PRAG1: variants seen among roughly 807,000 people sequenced by gnomAD.
PRAG1 encodes the protein inactive tyrosine-protein kinase PRAG1.
Under a neutral mutation model 95.6 loss-of-function variants are expected in PRAG1, and 110 were observed. The observed-to-expected ratio is 1.15, with a 90% CI of 0.99 to 1.35. PRAG1 has a LOEUF of 1.35. Among genes scored for constraint, PRAG1 ranks in the 40% most tolerant of loss-of-function variants. PRAG1 has a pLI of 0.00. For synonymous variants in PRAG1, 1,052 were observed against 819.4 expected (o/e 1.28, Z -4.85); for missense variants, 2,554 against 1,864.7 (o/e 1.37, Z -6.81).
rs974370204 is a variant in PRAG1 at position 8,377,856 on chromosome 8, C to A, written c.553G>T (p.Glu185Ter). Reference sequence around the variant, plus strand: ...GGTTTTTCTTTGTGCACAGCCTTCTCCTCCGGGAAGCTCACCGGGTGGAAG... The same window carrying A: ...GGTTTTTCTTTGTGCACAGCCTTCTACTCCGGGAAGCTCACCGGGTGGAAG... ...IAFHPVSFPE[E>*]KAVHKEKPSF... Residue 185 changes from glutamate (E) to a stop codon, truncating the protein, a stop_gained, in exon 3 of 6, where the codon GAG becomes TAG. Transcript: ENST00000615670. LOFTEE classifies it high-confidence loss of function. 6.2e-7 allele frequency: 1 copy of A among 1,614,158 alleles called. No individual in the cohort carries two copies. Among genetic ancestry groups the A allele is most frequent in the Non-Finnish European group, 8.5e-7 (1 of 1,180,040 alleles).
chr8:8,323,131 G>C (rs1415561682), intron 5 of PRAG1, among the ~76,000 whole-genome samples: 1 of 152,184 alleles, frequency 6.6e-6, no homozygotes, highest in African/African-American at 2.4e-5. Context: ...ATGGGAGACT[G>C]TCGCCTCATT....
At chr8:8,332,225 G>A (rs1253724334) in intron 4 of PRAG1, among the ~76,000 whole-genome samples, 1 of 149,994 alleles carries the variant, frequency 6.7e-6, no homozygotes, top group Non-Finnish European at 1.5e-5. Context: ...GTAATGGTGG[G>A]ATCTCGGCTC....
chr8:8,362,334 C>G (rs1232363892), intron 3 of PRAG1, among the ~76,000 whole-genome samples: 2 of 152,238 alleles, frequency 1.3e-5, no homozygotes, highest in Admixed American at 6.5e-5. Flanking sequence ...CACACACTTT[C>G]AACTTCCAGA....
At chr8:8,339,442 G>GA in intron 4 of PRAG1, 36 bp downstream of exon 4, 1 of 1,605,728 alleles carries the variant, frequency 6.2e-7, no homozygotes, top group Non-Finnish European at 8.5e-7. Context: ...AGGTCCAGGA[G>GA]AATCTAAGCC....
chr8:8,374,597 C>G (rs1228966940), intron 3 of PRAG1: 9 of 943,206 alleles, frequency 9.5e-6, no homozygotes, highest in Non-Finnish European at 1.1e-5. Flanking sequence ...ATGTCTAATT[C>G]TTTTAAATCC....
Position 8,318,323 on chromosome 8 carries a change from A to G in PRAG1, c.4052T>C (p.Leu1351Pro). 2 of 1,614,144 alleles carry G rather than the reference A, an allele frequency of 1.2e-6. No homozygotes were observed. Among genetic ancestry groups the G allele is most frequent in the Non-Finnish European group, 1.7e-6 (2 of 1,179,976 alleles). ...CCGCTTCATGTCGATCCAGTTGTGC[A>G]GCGTGCCGCACAGCGCCTCCTCCGA... The part of the protein sequence containing the change: ...GTSEEALCGT[L>P]HNWIDMKRAL... The change falls in exon 6 of 6, where the codon CTG becomes CCG. Residue 1351 changes from leucine to proline, a missense_variant. Transcript: ENST00000615670. The surrounding 1 kb of genome is among the most constrained non-coding windows in gnomAD (Gnocchi z 4.2).
chr8:8,375,544 A>G (rs944396904), intron 3 of PRAG1, among the ~76,000 whole-genome samples: 1 of 151,976 alleles, frequency 6.6e-6, no homozygotes, highest in Admixed American at 6.5e-5. Flanking sequence ...TCCTAACCAC[A>G]TGTAAAACTT....
intron 1 of PRAG1, among the ~76,000 whole-genome samples, chr8:8,385,482 A>G (rs1029362987): frequency 2.6e-5 from 4 of 152,234 alleles, no homozygotes; most frequent in South Asian, 2.1e-4. Context: ...CTTTCTGTCA[A>G]ATTTTCTTCT....
intron 4 of PRAG1, among the ~76,000 whole-genome samples, chr8:8,334,974 G>A (rs933756072): frequency 7.9e-5 from 12 of 151,896 alleles, no homozygotes; most frequent in African/African-American, 2.7e-4. Context: ...TAGCTGCTGA[G>A]GCAGGAGAAT....
chr8:8,343,005 C>T (rs1799222035), intron 3 of PRAG1, among the ~76,000 whole-genome samples: 1 of 151,882 alleles, frequency 6.6e-6, no homozygotes, highest in Admixed American at 6.6e-5. Flanking sequence ...CTTTGCAACC[C>T]GCATTACTAA....
intron 1 of PRAG1, among the ~76,000 whole-genome samples, chr8:8,383,906 ATTCCAGCC>A (rs1800764524): frequency 6.6e-6 from 1 of 152,202 alleles, no homozygotes; most frequent in Non-Finnish European, 1.5e-5. Context: ...CAGAGGAAGT[ATTCCAGCC>A]TTCAGGAATA....
In PRAG1 at chr8:8,377,306, A is replaced by G. The variant is rs1800445752; in HGVS notation, c.1103T>C (p.Leu368Pro). 6.2e-7 allele frequency: 1 copy of G among 1,612,552 alleles called. No individual in the cohort carries two copies. The highest frequency in any genetic ancestry group is 1.1e-5 in the South Asian group (1 of 90,976). ...CTTCTCTGGGGCAGGTTCCTTCATG[A>G]GGGAGCAGTAATCACTCTCGAGGTG... ...VPHLESDYCS[L>P]MKEPAPEKQQ... The change falls in exon 3 of 6, where the codon CTC becomes CCC. Residue 368 changes from leucine to proline, a missense_variant. By Grantham distance (98) the Leu-to-Pro change is moderately conservative. Coordinates refer to ENST00000615670, the MANE Select transcript of PRAG1 (RefSeq NM_001080826.3).
At chr8:8,358,675 T>G (rs1799755681) in intron 3 of PRAG1, among the ~76,000 whole-genome samples, 1 of 152,236 alleles carries the variant, frequency 6.6e-6, no homozygotes, top group Non-Finnish European at 1.5e-5. Flanking sequence ...CAATTTTACT[T>G]TCTGCAGAAA....
intron 3 of PRAG1, among the ~76,000 whole-genome samples, chr8:8,356,000 G>T (rs1799668580): frequency 6.6e-6 from 1 of 152,128 alleles, no homozygotes; most frequent in Non-Finnish European, 1.5e-5. Flanking sequence ...TTAGGAACTG[G>T]GAAAAAATGT....
intron 3 of PRAG1, among the ~76,000 whole-genome samples, chr8:8,351,773 C>T (rs940228295): frequency 6.6e-6 from 1 of 152,144 alleles, no homozygotes; most frequent in African/African-American, 2.4e-5. Flanking sequence ...TTACATCAGC[C>T]TGCCTTCCCC....
chr8:8,335,437 A>G (rs1297371499), intron 4 of PRAG1, among the ~76,000 whole-genome samples: 1 of 152,202 alleles, frequency 6.6e-6, no homozygotes, highest in Non-Finnish European at 1.5e-5. Flanking sequence ...ATGGATACAC[A>G]TTTTTGGGAT....
At chr8:8,331,699 G>C (rs1798823100) in intron 4 of PRAG1, among the ~76,000 whole-genome samples, 1 of 152,156 alleles carries the variant, frequency 6.6e-6, no homozygotes, top group African/African-American at 2.4e-5. Flanking sequence ...AGAACCAAGA[G>C]GTTCTGCTTT....
At chr8:8,369,044 C>A (rs1485056758) in intron 3 of PRAG1, among the ~76,000 whole-genome samples, 1 of 152,032 alleles carries the variant, frequency 6.6e-6, no homozygotes, top group Admixed American at 6.6e-5. Context: ...CACCTTGAAT[C>A]ATTAATAATG....
chr8:8,326,778 C>G (rs1422736615), intron 5 of PRAG1, among the ~76,000 whole-genome samples: 1 of 152,132 alleles, frequency 6.6e-6, no homozygotes, highest in Non-Finnish European at 1.5e-5. Context: ...CACAGAAGAG[C>G]TCAAATCCAT....
Sources: allele counts gnomAD v4.1 joint callset (sites outside exome capture counted in the v4.1 genomes callset), GRCh38; gene constraint gnomAD v4.1.1; non-coding constraint Gnocchi (gnomAD v3.1); transcripts MANE v1.5; gene names NCBI Gene and HGNC (gene_info 2026-07-23, HGNC 2026-07-21).